MLLT3: variants seen among roughly 807,000 people sequenced by gnomAD.
The protein encoded by MLLT3 is protein AF-9.
A neutral mutation model predicts 53.2 loss-of-function variants in MLLT3; 4 were observed. The ratio of observed to expected loss-of-function variants is 0.08; its 90% confidence interval spans 0.04 to 0.17. The LOEUF (loss-of-function observed/expected upper bound fraction) is 0.17. MLLT3 is among the 10% of genes least tolerant of loss of function. The probability of loss-of-function intolerance (pLI) is 1.00; values close to 1 mark genes in which losing one functional copy is unlikely to be tolerated. For synonymous variants in MLLT3, 283 were observed against 230.6 expected (o/e 1.23, Z -2.06); for missense variants, 569 against 684.0 (o/e 0.83, Z 1.87).
intron 5 of MLLT3, chr9:20,412,057 C>T (rs910347597): frequency 4.6e-5 from 7 of 152,096 alleles, no homozygotes; most frequent in African/African-American, 1.4e-4. Context: ...TATTTCACAG[C>T]TCACTAGTGA....
chr9:20,471,354 T>C (rs2118888831), intron 2 of MLLT3, among the ~76,000 whole-genome samples: 1 of 152,108 alleles, frequency 6.6e-6, no homozygotes, highest in East Asian at 1.9e-4. Context: ...AAATGCAAGG[T>C]CTCTGGAATT....
chr9:20,418,603 A>C (rs969565668), intron 4 of MLLT3, among the ~76,000 whole-genome samples: 1 of 152,104 alleles, frequency 6.6e-6, no homozygotes, highest in African/African-American at 2.4e-5. Flanking sequence ...TTGACCCAAA[A>C]GAGTTTATTT....
intron 10 of MLLT3, among the ~76,000 whole-genome samples, chr9:20,353,288 T>A (rs776673869): frequency 9.9e-5 from 15 of 152,118 alleles, no homozygotes; most frequent in African/African-American, 3.1e-4. Flanking sequence ...ACTTCCCAAA[T>A]TGCCCAGTTC....
At chr9:20,470,540 G>C (rs1402429556) in intron 2 of MLLT3, among the ~76,000 whole-genome samples, 1 of 151,912 alleles carries the variant, frequency 6.6e-6, no homozygotes, top group Non-Finnish European at 1.5e-5. Context: ...CCATGCCCAG[G>C]AGTAAATACA....
chr9:20,399,105 G>A (rs188013108), intron 5 of MLLT3, among the ~76,000 whole-genome samples: 1 of 152,162 alleles, frequency 6.6e-6, no homozygotes, highest in Non-Finnish European at 1.5e-5. Context: ...GCATAAGGGT[G>A]GCTTACACCC....
chr9:20,542,236 A>AT (rs1563809276), intron 2 of MLLT3, among the ~76,000 whole-genome samples: 10 of 136,812 alleles, frequency 7.3e-5, no homozygotes, highest in African/African-American at 1.6e-4. Flanking sequence ...ATGAGCAGTA[A>AT]TATTTTTTTT....
chr9:20,617,293 C>A (rs1022465671), intron 2 of MLLT3, among the ~76,000 whole-genome samples: 1 of 152,122 alleles, frequency 6.6e-6, no homozygotes, highest in African/African-American at 2.4e-5. Flanking sequence ...CCATTTAACA[C>A]AAATCAAAAC....
intron 8 of MLLT3, among the ~76,000 whole-genome samples, chr9:20,356,152 G>A (rs984819484): frequency 1.3e-5 from 2 of 152,134 alleles, no homozygotes; most frequent in Non-Finnish European, 2.9e-5. Context: ...GGAAAAGACC[G>A]AATACTCCTG....
intron 2 of MLLT3, among the ~76,000 whole-genome samples, chr9:20,464,528 T>G (rs373853649): frequency 6.6e-6 from 1 of 152,038 alleles, no homozygotes; most frequent in East Asian, 1.9e-4. Context: ...AAGTGCTACA[T>G]AAAAATAACA....
At chr9:20,584,630 C>A (rs1004342508) in intron 2 of MLLT3, among the ~76,000 whole-genome samples, 1 of 152,124 alleles carries the variant, frequency 6.6e-6, no homozygotes, top group Non-Finnish European at 1.5e-5. Context: ...AAAGTGGAAA[C>A]CTCTGATAAA....
At chr9:20,432,192 T>G (rs1439057054) in intron 4 of MLLT3, among the ~76,000 whole-genome samples, 1 of 152,228 alleles carries the variant, frequency 6.6e-6, no homozygotes, top group African/African-American at 2.4e-5. Flanking sequence ...GTGTCTCATT[T>G]AATCTTCTTA....
chr9:20,520,388 T>C (rs775024767), intron 2 of MLLT3, among the ~76,000 whole-genome samples: 16 of 152,038 alleles, frequency 1.1e-4, no homozygotes, highest in African/African-American at 2.4e-4. Flanking sequence ...TGAGTCTCAA[T>C]TGGAATAAAT....
At chr9:20,538,224 TTAA>T (rs1305266746) in intron 2 of MLLT3, among the ~76,000 whole-genome samples, 2 of 152,236 alleles carry the variant, frequency 1.3e-5, no homozygotes, top group Non-Finnish European at 2.9e-5. Context: ...GAAATAGCAC[TTAA>T]TGAGTGCCAA....
At chr9:20,391,463 T>C (rs1822177848) in intron 5 of MLLT3, among the ~76,000 whole-genome samples, 1 of 152,184 alleles carries the variant, frequency 6.6e-6, no homozygotes, top group South Asian at 2.1e-4. Flanking sequence ...AGGGAATTAT[T>C]ACTTTAAGGC....
At chr9:20,610,350 G>A (rs1007758092) in intron 2 of MLLT3, among the ~76,000 whole-genome samples, 1 of 152,118 alleles carries the variant, frequency 6.6e-6, no homozygotes, top group African/African-American at 2.4e-5. Flanking sequence ...AGAGAAAAGA[G>A]AAAAATTCAT....
chr9:20,347,799 T>C (rs1303033141), intron 10 of MLLT3, among the ~76,000 whole-genome samples: 1 of 152,232 alleles, frequency 6.6e-6, no homozygotes, highest in African/African-American at 2.4e-5. Flanking sequence ...TGATTCTCTT[T>C]AGGTCAATAA....
chr9:20,500,935 T>C (rs1276865185), intron 2 of MLLT3, among the ~76,000 whole-genome samples: 1 of 152,224 alleles, frequency 6.6e-6, no homozygotes, highest in African/African-American at 2.4e-5. Context: ...CCAATAATTA[T>C]TAAGAATTGC....
Position 20,620,833 on chromosome 9 carries a change from C to G in MLLT3, c.14G>C (p.Cys5Ser). The G allele has an allele frequency of 1.9e-6, 3 of 1,614,016 alleles. No homozygotes were observed. The highest frequency in any genetic ancestry group is 2.5e-6 in the Non-Finnish European group (3 of 1,179,974). The change falls in exon 2 of 11, where the codon TGT becomes TCT. Residue 5 changes from cysteine to serine, a missense_variant and splice_region_variant. Around this residue, in one of 5 missense-constraint regions of MLLT3, gnomAD observed 13 missense variants for 16.2 expected, o/e 0.80. Coordinates refer to ENST00000380338, the MANE Select transcript of MLLT3 (RefSeq NM_004529.4). The surrounding 1 kb of genome is among the most constrained non-coding windows in gnomAD (Gnocchi z 6.1). The part of the protein sequence containing the change: MASS[C>S]AVQVKLELGH... Reference sequence around the variant, plus strand: ...CAGCTCCAGCTTCACCTGCACGGCACACTGCGGGCAGGGGGAGGAGAGACA... The same window carrying G: ...CAGCTCCAGCTTCACCTGCACGGCAGACTGCGGGCAGGGGGAGGAGAGACA...
At chr9:20,465,151 G>C (rs952122237) in intron 2 of MLLT3, among the ~76,000 whole-genome samples, 1 of 151,462 alleles carries the variant, frequency 6.6e-6, no homozygotes, top group African/African-American at 2.4e-5. Context: ...TTAAGAAAAG[G>C]AAAGATAACA....
Sources: gnomAD v4.1 joint callset for allele counts (sites outside exome capture counted in the v4.1 genomes callset) on GRCh38, gnomAD v4.1.1 for gene constraint, gnomAD v4.1.1 regional missense constraint, Gnocchi (gnomAD v3.1) non-coding constraint, MANE v1.5 for transcripts, NCBI Gene and HGNC (gene_info 2026-07-23, HGNC 2026-07-21) for gene names.